Variants in PKHD1L1 observed in about 807,000 individuals in gnomAD.
PKHD1L1 encodes the protein fibrocystin-L.
PKHD1L1 carries 434 observed loss-of-function variants against 462.9 expected under a neutral mutation model. That is an observed-to-expected ratio of 0.94 (90% CI 0.87 to 1.02). The LOEUF is 1.02. PKHD1L1 is among the 50% of genes least tolerant of loss of function. The pLI is 0.00. For missense variants in PKHD1L1, 5,202 were observed against 5,096.1 expected, an observed-to-expected ratio of 1.02 and a Z score of -0.63; for synonymous variants, 1,781 against 1,750.0, an observed-to-expected ratio of 1.02 and a Z score of -0.44.
intron 16 of PKHD1L1, among the ~76,000 whole-genome samples, chr8:109,405,561 C>T (rs192958156): frequency 4.6e-5 from 7 of 152,100 alleles, no homozygotes; most frequent in African/African-American, 1.7e-4. Flanking sequence ...AGCTTAAAGC[C>T]ACTTCCTCAA....
At position 109,426,369 on chromosome 8, in the gene PKHD1L1, G is replaced by A. The variant is rs574782354; in HGVS notation, c.2846-633G>A. Among the ~76,000 whole-genome samples the A allele has an allele frequency of 4.6e-5, 7 of 151,742 alleles. No homozygotes were observed. The South Asian group carries it at 8.4e-4, about 18-fold the overall frequency. On this transcript the variant is annotated intron_variant, in intron 24 of 77. Coordinates refer to ENST00000378402, the MANE Select transcript of PKHD1L1 (RefSeq NM_177531.6). ...CAAAATGAATTGATATGAAAATATC[G>A]ACTGATATTTGATATTTGTGAATTG... is the stretch of plus-strand genomic sequence containing the variant.
chr8:109,518,360 T>C lies in PKHD1L1; in HGVS notation c.11883T>C (p.Asn3961=), dbSNP rs753320726. Residue 3961 remains asparagine (N), a synonymous_variant, in exon 73 of 78, where the codon AAT becomes AAC. Coordinates refer to ENST00000378402, the MANE Select transcript of PKHD1L1 (RefSeq NM_177531.6). The stretch of plus-strand genomic sequence containing the variant: ...ATACCTCTCACAATCTGGTTAAAAA[T>C]CTTGCCTTGTTCCTAAAGATACCAA... ...DFYTSHNLVK[N]LALFLKIPSD... is the part of the protein sequence containing the mutation. The C allele has an allele frequency of 5.6e-6, 9 of 1,613,364 alleles. No homozygotes were observed. The Admixed American group carries it at 1.0e-4, about 18-fold the overall frequency.
At chr8:109,375,482 A>T (rs185636584) in intron 2 of PKHD1L1, among the ~76,000 whole-genome samples, 4 of 152,106 alleles carry the variant, frequency 2.6e-5, no homozygotes, top group Admixed American at 6.5e-5. Context: ...TGATCTTCTG[A>T]AGCCTTCTTC....
At chr8:109,422,219 TTGTG>T (rs139437553) in intron 23 of PKHD1L1, among the ~76,000 whole-genome samples, 2 of 148,788 alleles carry the variant, frequency 1.3e-5, no homozygotes, top group Non-Finnish European at 3.0e-5. Flanking sequence ...TTTTCCAGGG[TTGTG>T]TGTGTGTGTG....
intron 21 of PKHD1L1, among the ~76,000 whole-genome samples, chr8:109,415,286 A>G (rs1382005551): frequency 6.6e-6 from 1 of 152,086 alleles, no homozygotes; most frequent in Non-Finnish European, 1.5e-5. Flanking sequence ...GATTACAGGC[A>G]TGAGACACCA....
Position 109,522,272 on chromosome 8 carries a change from T to C in PKHD1L1, c.12118T>C (p.Phe4040Leu), listed in dbSNP as rs1820588934. 7 of 1,605,922 alleles carry C rather than the reference T, an allele frequency of 4.4e-6. No homozygotes were observed. The highest frequency in any genetic ancestry group is 6.0e-6 in the Non-Finnish European group (7 of 1,173,360). ...ILGNISSILG[F>L]NISSMSITNP... Reference sequence around the variant, plus strand: ...AGGAAACATCAGTAGTATCCTTGGATTTAACATTTCGTCCATGTCTATTAC... The same window carrying C: ...AGGAAACATCAGTAGTATCCTTGGACTTAACATTTCGTCCATGTCTATTAC... The change falls in exon 74 of 78, where the codon TTT becomes CTT. Residue 4040 changes from phenylalanine to leucine, a missense_variant. By Grantham distance (22) the Phe-to-Leu change is conservative (BLOSUM62 0). Around this residue, in one of 3 missense-constraint regions of PKHD1L1, gnomAD observed 698 missense variants for 736.3 expected, o/e 0.95. Transcript: ENST00000378402.
chr8:109,471,066 C>G, intron 50 of PKHD1L1: 1 of 1,577,900 alleles, frequency 6.3e-7, no homozygotes, highest in Non-Finnish European at 8.7e-7. Context: ...ATGAAATCTT[C>G]TCCTCAAATT....
chr8:109,395,940 C>A, intron 10 of PKHD1L1, 87 bp from the exon 11 acceptor site: 1 of 840,232 alleles, frequency 1.2e-6, no homozygotes, highest in Non-Finnish European at 2.0e-6. Context: ...GGCACTATGG[C>A]TAGGTAATTT....
Position 109,522,178 on chromosome 8 carries a change from C to G in PKHD1L1, c.12032-8C>G. ...ATAATCCAAATGTCATAATACTTTTCCCCATAGGTCAGATGCAGTTATCTG... is the reference window on the plus strand; with the variant it reads ...ATAATCCAAATGTCATAATACTTTTGCCCATAGGTCAGATGCAGTTATCTG... On this transcript the variant is annotated splice_polypyrimidine_tract_variant and splice_region_variant and intron_variant, in intron 73 of 77. Coordinates refer to ENST00000378402, the MANE Select transcript of PKHD1L1 (RefSeq NM_177531.6). 6.3e-7 allele frequency: 1 copy of G among 1,587,884 alleles called. No individual in the cohort carries two copies. Among genetic ancestry groups the G allele is most frequent in the East Asian group, 2.2e-5 (1 of 44,536 alleles).
intron 20 of PKHD1L1, among the ~76,000 whole-genome samples, chr8:109,412,748 A>G (rs1813925733): frequency 6.6e-6 from 1 of 152,180 alleles, no homozygotes; most frequent in African/African-American, 2.4e-5. Flanking sequence ...TTAAGAAGAA[A>G]GAAAAATGGC....
rs77541212 is a variant in PKHD1L1, at chr8:109,526,271, A to G, written c.12485-513A>G. 6.3e-3 allele frequency among the ~76,000 whole-genome samples: 966 copies of G among 152,348 alleles called. 7 individuals carry two copies. The highest frequency in any genetic ancestry group is 0.021 in the African/African-American group (889 of 41,568). On this transcript the variant is annotated intron_variant, in intron 76 of 77. Transcript: ENST00000378402. The stretch of plus-strand genomic sequence containing the variant: ...CTTCAAACAAATGTGAAACATGGTA[A>G]AAGTTTTTTGAATCTTAATGGAAGG...
At chr8:109,503,220 G>T (rs1367233612) in intron 67 of PKHD1L1, among the ~76,000 whole-genome samples, 2 of 152,066 alleles carry the variant, frequency 1.3e-5, no homozygotes, top group African/African-American at 4.8e-5. Flanking sequence ...AGGCAGAATT[G>T]CTTGAACCCA....
intron 59 of PKHD1L1, 52 bp from the exon 60 acceptor site, chr8:109,489,900 T>C (rs1586612800): frequency 8.9e-7 from 1 of 1,119,630 alleles, no homozygotes; most frequent in Non-Finnish European, 1.3e-6. Context: ...TCAAAAATGT[T>C]TTATTCCAAC....
intron 32 of PKHD1L1, among the ~76,000 whole-genome samples, 177 bp downstream of exon 32, chr8:109,439,269 T>C (rs1474968955): frequency 6.6e-6 from 1 of 152,162 alleles, no homozygotes; most frequent in Non-Finnish European, 1.5e-5. Flanking sequence ...GACGCATAGT[T>C]TTGAGACCAA....
chr8:109,505,392 A>C (rs929775106), intron 68 of PKHD1L1, among the ~76,000 whole-genome samples: 3 of 152,196 alleles, frequency 2.0e-5, no homozygotes, highest in Admixed American at 2.0e-4. Flanking sequence ...TGATTTTCTG[A>C]TCACAAAGGT....
chr8:109,388,298 G>A (rs1158777680), intron 6 of PKHD1L1, among the ~76,000 whole-genome samples, 199 bp from the exon 7 acceptor site: 1 of 152,082 alleles, frequency 6.6e-6, no homozygotes, highest in African/African-American at 2.4e-5. Flanking sequence ...TAAGTTCACC[G>A]ATGTGTGCCA....
intron 27 of PKHD1L1, among the ~76,000 whole-genome samples, chr8:109,432,529 CATCT>C (rs1254102574): frequency 6.6e-6 from 1 of 151,094 alleles, no homozygotes; most frequent in East Asian, 1.9e-4. Flanking sequence ...TCTATCTATC[CATCT>C]ATCTATCTAT....
At chr8:109,520,821 T>C (rs1171755230) in intron 73 of PKHD1L1, among the ~76,000 whole-genome samples, 1 of 152,154 alleles carries the variant, frequency 6.6e-6, no homozygotes, top group Non-Finnish European at 1.5e-5. Context: ...GTTAAGGTCT[T>C]TGGTTTCTAG....
chr8:109,410,854 G>A (rs757539619), intron 19 of PKHD1L1, among the ~76,000 whole-genome samples: 13 of 148,582 alleles, frequency 8.7e-5, no homozygotes, highest in Non-Finnish European at 1.6e-4. Context: ...TCAGTCTCCC[G>A]AGTAGCTTGG....
Sources: allele counts gnomAD v4.1 joint callset (sites outside exome capture counted in the v4.1 genomes callset), GRCh38; gene constraint gnomAD v4.1.1; regional missense constraint gnomAD v4.1.1; transcripts MANE v1.5; gene names NCBI Gene and HGNC (gene_info 2026-07-23, HGNC 2026-07-21).